Variants in CBR4 observed in about 807,000 individuals in gnomAD.
The protein encoded by CBR4 is 3-oxoacyl-[acyl-carrier-protein] reductase.
In CBR4, 22 loss-of-function variants were observed where a neutral mutation model predicts 21.0. The ratio of observed to expected loss-of-function variants is 1.05; its 90% CI spans 0.75 to 1.50. The LOEUF is 1.50. Ranked by LOEUF, CBR4 falls within the 40% of genes most tolerant of loss-of-function variation. CBR4 has a pLI of 0.00. For synonymous variants in CBR4, 100 were observed against 104.4 expected, an observed-to-expected ratio of 0.96 and a Z score of 0.26; for missense variants, 302 against 286.3, an observed-to-expected ratio of 1.05 and a Z score of -0.40.
intron 2 of CBR4, among the ~76,000 whole-genome samples, chr4:168,922,866 G>A (rs1761853674): frequency 6.6e-6 from 1 of 152,140 alleles, no homozygotes; most frequent in Admixed American, 6.6e-5. Flanking sequence ...GTCAGAAGAC[G>A]GTGATGCACA....
chr4:168,935,291 C>T (rs937506845), intron 2 of CBR4, among the ~76,000 whole-genome samples: 34 of 152,206 alleles, frequency 2.2e-4, no homozygotes, highest in Admixed American at 1.3e-3. Context: ...AGACCAGATG[C>T]CTGTGCCACC....
intron 4 of CBR4, among the ~76,000 whole-genome samples, chr4:168,999,593 A>T (rs1432141280): frequency 6.7e-6 from 1 of 150,084 alleles, no homozygotes; most frequent in African/African-American, 2.4e-5. Context: ...TAAGGGTTGT[A>T]TGCTCAACAA....
intron 2 of CBR4, among the ~76,000 whole-genome samples, chr4:168,957,365 C>T (rs1390182053): frequency 6.6e-6 from 1 of 151,668 alleles, no homozygotes; most frequent in East Asian, 1.9e-4. Context: ...AACATTGTAC[C>T]CCTTAGTGTA....
chr4:168,963,868 T>A (rs775074144), intron 2 of CBR4, among the ~76,000 whole-genome samples: 1 of 152,170 alleles, frequency 6.6e-6, no homozygotes, highest in Non-Finnish European at 1.5e-5. Context: ...GGAGTATAAT[T>A]ACTGTGTCTC....
chr4:168,933,647 A>G (rs1163527677), intron 2 of CBR4, among the ~76,000 whole-genome samples: 1 of 152,216 alleles, frequency 6.6e-6, no homozygotes, highest in Non-Finnish European at 1.5e-5. Context: ...TTTAAACTGT[A>G]CTACAGACTA....
At chr4:168,993,757 A>G (rs888309392) in intron 4 of CBR4, among the ~76,000 whole-genome samples, 6 of 152,230 alleles carry the variant, frequency 3.9e-5, no homozygotes, top group African/African-American at 4.8e-5. Flanking sequence ...CCAAAAAACA[A>G]AAACAGAAAA....
intron 2 of CBR4, chr4:168,915,968 T>C (rs1760001638): frequency 6.2e-7 from 1 of 1,613,690 alleles, no homozygotes; most frequent in East Asian, 2.2e-5. Context: ...ACCTCACTTC[T>C]TGCAGGCTCC....
Position 168,989,282 on chromosome 4 carries a change from A to C in CBR4, c.*868T>G. Reference sequence around the variant, plus strand: ...TATTCTAAGTTTTTCATGAATAAAAAACACATCCTAAGTTCATGAAATCTG... The same window carrying C: ...TATTCTAAGTTTTTCATGAATAAAACACACATCCTAAGTTCATGAAATCTG... On this transcript the variant is annotated 3_prime_UTR_variant, in exon 5 of 5. Coordinates refer to ENST00000306193, the MANE Select transcript of CBR4 (RefSeq NM_032783.5). 1 of 985,318 alleles carries C rather than the reference A, an allele frequency of 1.0e-6. No homozygotes were observed. The allele number at this position is 985,318 out of a possible 1,614,324, so 61.0% of individuals were successfully genotyped here.
intron 2 of CBR4, among the ~76,000 whole-genome samples, chr4:168,943,462 T>C (rs750570160): frequency 2.0e-5 from 3 of 152,228 alleles, no homozygotes; most frequent in Non-Finnish European, 2.9e-5. Context: ...ATTATAGTCA[T>C]GCTTGAGAAA....
At chr4:168,995,133 T>C (rs1361250450) in intron 4 of CBR4, among the ~76,000 whole-genome samples, 1 of 152,184 alleles carries the variant, frequency 6.6e-6, no homozygotes, top group Non-Finnish European at 1.5e-5. Flanking sequence ...TCATGACAAC[T>C]TGACTTGAAC....
At chr4:169,002,333 T>G in intron 3 of CBR4, 128 bp from the exon 4 acceptor site, 15 of 987,072 alleles carry the variant, frequency 1.5e-5, no homozygotes, top group Non-Finnish European at 2.0e-5. Flanking sequence ...TTTGTTAAAA[T>G]TAGAAATTCT....
At chr4:168,916,891 A>C (rs1287194470) in intron 2 of CBR4, among the ~76,000 whole-genome samples, 1 of 151,716 alleles carries the variant, frequency 6.6e-6, no homozygotes, top group Admixed American at 6.6e-5. Context: ...GGCTGGTCTC[A>C]AACTCCTGAC....
At chr4:168,992,554 T>C (rs1764976666) in intron 4 of CBR4, among the ~76,000 whole-genome samples, 1 of 152,168 alleles carries the variant, frequency 6.6e-6, no homozygotes, top group Non-Finnish European at 1.5e-5. Context: ...TATAGAAGGA[T>C]ACTTAAATCT....
At chr4:168,954,673 A>G (rs1254864586) in intron 2 of CBR4, among the ~76,000 whole-genome samples, 1 of 152,182 alleles carries the variant, frequency 6.6e-6, no homozygotes, top group Non-Finnish European at 1.5e-5. Flanking sequence ...TCCCAAACAC[A>G]TTTTTTCAGA....
At chr4:168,900,758 A>G (rs1404737546) in intron 2 of CBR4, among the ~76,000 whole-genome samples, 1 of 152,208 alleles carries the variant, frequency 6.6e-6, no homozygotes, top group African/African-American at 2.4e-5. Flanking sequence ...ACTTTTTACA[A>G]TATTCTTGGC....
At chr4:168,994,280 A>G (rs1765072778) in intron 4 of CBR4, among the ~76,000 whole-genome samples, 2 of 152,172 alleles carry the variant, frequency 1.3e-5, no homozygotes, top group Admixed American at 1.3e-4. Context: ...CGCTCATGCT[A>G]TTGTCTGTGG....
intron 2 of CBR4, among the ~76,000 whole-genome samples, chr4:168,917,383 G>T (rs920040014): frequency 1.3e-5 from 2 of 152,108 alleles, no homozygotes; most frequent in Admixed American, 1.3e-4. Context: ...TCCTTGGGTA[G>T]GCAGGCTTCA....
rs117497462 is a variant in CBR4, at chr4:168,908,019, C to T, written n.170-13254G>A. ...AAGACAGGCAAAAGGAAGGGAAACT[C>T]ATGAAGTCTAGGCCTCAGTGTGTAA... On this transcript the variant is annotated intron_variant and non_coding_transcript_variant, in intron 2 of 3. Coordinates refer to the CBR4 transcript ENST00000509108. 4.6e-5 allele frequency among the ~76,000 whole-genome samples: 7 copies of T among 152,280 alleles called. No homozygotes were observed. In the East Asian group the frequency reaches 1.3e-3, roughly 29 times the overall value.
chr4:168,904,852 T>C (rs2151314740), intron 2 of CBR4, among the ~76,000 whole-genome samples: 1 of 152,242 alleles, frequency 6.6e-6, no homozygotes, highest in East Asian at 1.9e-4. Context: ...CTGGCCCAGG[T>C]GCAGTGGCTC....
Sources: gnomAD v4.1 joint callset for allele counts (sites outside exome capture counted in the v4.1 genomes callset) on GRCh38, gnomAD v4.1.1 for gene constraint, MANE v1.5 for transcripts, NCBI Gene and HGNC (gene_info 2026-07-23, HGNC 2026-07-21) for gene names.